The following GABRG2 variants were observed in gnomAD, a reference collection of about 807,000 sequenced individuals.
The protein encoded by GABRG2 is gamma-aminobutyric acid type A receptor subunit gamma2.
In GABRG2, 16 loss-of-function variants were observed where a neutral mutation model predicts 56.4. The observed-to-expected ratio is 0.28, with a 90% CI of 0.19 to 0.43. GABRG2 has a LOEUF of 0.43. Among genes scored for constraint, GABRG2 ranks in the 20% least tolerant of loss-of-function variants. GABRG2 has a pLI of 1.00. For missense variants in GABRG2, 327 were observed against 582.7 expected (o/e 0.56, Z 4.52); for synonymous variants, 208 against 205.5 (o/e 1.01, Z -0.10).
chr5:162,095,979 C>T (rs1313310304), intron 3 of GABRG2, among the ~76,000 whole-genome samples: 1 of 151,618 alleles, frequency 6.6e-6, no homozygotes, highest in African/African-American at 2.4e-5. Flanking sequence ...CACTTTCTAC[C>T]CAAATGTGAA....
At chr5:162,121,555 T>G (rs1411466836) in intron 6 of GABRG2, among the ~76,000 whole-genome samples, 1 of 152,078 alleles carries the variant, frequency 6.6e-6, no homozygotes. Flanking sequence ...CATTAATAAC[T>G]TATAAAAGAC....
intron 7 of GABRG2, among the ~76,000 whole-genome samples, chr5:162,145,200 C>G (rs886515611): frequency 1.3e-5 from 2 of 152,168 alleles, no homozygotes; most frequent in Non-Finnish European, 2.9e-5. Flanking sequence ...TTTCTGAGCA[C>G]AGAGTCCTAG....
At chr5:162,080,394 G>A (rs978826576) in intron 1 of GABRG2, among the ~76,000 whole-genome samples, 12 of 151,974 alleles carry the variant, frequency 7.9e-5, no homozygotes, top group African/African-American at 2.9e-4. Flanking sequence ...AATGTTGAAG[G>A]GAAGACCATT....
At chr5:162,096,580 A>G (rs1429409407) in intron 3 of GABRG2, among the ~76,000 whole-genome samples, 1 of 152,092 alleles carries the variant, frequency 6.6e-6, no homozygotes, top group Non-Finnish European at 1.5e-5. Context: ...TGTAGACTGT[A>G]AAAATGAAAC....
At chr5:162,135,222 T>TC (rs1491397711) in intron 6 of GABRG2, among the ~76,000 whole-genome samples, 2 of 149,048 alleles carry the variant, frequency 1.3e-5, no homozygotes, top group African/African-American at 4.9e-5. Context: ...CCCTTCTCTC[T>TC]TTTTTTTTTC....
intron 3 of GABRG2, among the ~76,000 whole-genome samples, chr5:162,095,964 T>C (rs1350237027): frequency 1.3e-5 from 2 of 152,056 alleles, no homozygotes; most frequent in Non-Finnish European, 2.9e-5. Flanking sequence ...TCTGTTCTTA[T>C]GTAACACTTT....
At chr5:162,112,883 G>A (rs1019226619) in intron 6 of GABRG2, among the ~76,000 whole-genome samples, 1 of 151,994 alleles carries the variant, frequency 6.6e-6, no homozygotes, top group Non-Finnish European at 1.5e-5. Context: ...CAAGGAAAAA[G>A]GATTGACCAA....
chr5:162,139,581 C>T (rs1764400611), intron 6 of GABRG2, among the ~76,000 whole-genome samples: 1 of 152,016 alleles, frequency 6.6e-6, no homozygotes, highest in Non-Finnish European at 1.5e-5. Flanking sequence ...TAGACTCTGA[C>T]CTAAAGGGAA....
chr5:162,152,896 C>G (rs1490395861), intron 9 of GABRG2, 197 bp from the exon 10 acceptor site: 3 of 667,390 alleles, frequency 4.5e-6, no homozygotes, highest in African/African-American at 1.8e-5. Flanking sequence ...AGCTGCACTG[C>G]TTAAGCTCAA....
intron 1 of GABRG2, among the ~76,000 whole-genome samples, chr5:162,076,033 T>A (rs1759078165): frequency 6.6e-6 from 1 of 151,580 alleles, no homozygotes; most frequent in Non-Finnish European, 1.5e-5. Flanking sequence ...ACGCCTGTGG[T>A]CCTAGCTTCT....
intron 8 of GABRG2, chr5:162,149,877 G>C (rs1409038687): frequency 1.3e-5 from 4 of 308,268 alleles, no homozygotes; most frequent in African/African-American, 8.7e-5. Flanking sequence ...GCCTCCCAAA[G>C]TGCTGGGATT....
rs867980198 is a variant in GABRG2, at chr5:162,116,122, G to C, written c.769+12096G>C. ...GGGGTGTGCGTGCATGTGTGTGTGT[G>C]TGTGTGTGTGTGTGTGTGTGTGTGT... On this transcript the variant is annotated intron_variant, in intron 6 of 9. Coordinates refer to ENST00000639213, the MANE Select transcript of GABRG2 (RefSeq NM_198904.4). 4.0e-4 allele frequency among the ~76,000 whole-genome samples: 61 copies of C among 150,764 alleles called. 2 individuals are homozygous for C. Among genetic ancestry groups the C allele is most frequent in the Non-Finnish European group, 2.1e-4 (14 of 67,694 alleles).
chr5:162,092,669 T>C (rs1760691852), intron 1 of GABRG2, among the ~76,000 whole-genome samples: 1 of 152,156 alleles, frequency 6.6e-6, no homozygotes, highest in Non-Finnish European at 1.5e-5. Context: ...GTGATAAATC[T>C]GGCTTGAGAA....
At chr5:162,144,750 G>T (rs1412805119) in intron 7 of GABRG2, among the ~76,000 whole-genome samples, 1 of 152,178 alleles carries the variant, frequency 6.6e-6, no homozygotes, top group Non-Finnish European at 1.5e-5. Flanking sequence ...GGAGGCCTTG[G>T]TGAAGACCAA....
At chr5:162,117,140 G>A (rs894452786) in intron 6 of GABRG2, among the ~76,000 whole-genome samples, 14 of 152,146 alleles carry the variant, frequency 9.2e-5, no homozygotes, top group African/African-American at 2.9e-4. Context: ...AGAAGAGCAG[G>A]TGAGAACACA....
chr5:162,089,044 T>G (rs1226058955), intron 1 of GABRG2, among the ~76,000 whole-genome samples: 3 of 152,016 alleles, frequency 2.0e-5, no homozygotes, highest in African/African-American at 4.8e-5. Flanking sequence ...TATGAAACAA[T>G]CTCTTGGTAG....
intron 6 of GABRG2, among the ~76,000 whole-genome samples, chr5:162,118,167 A>G (rs1762749333): frequency 6.6e-6 from 1 of 151,594 alleles, no homozygotes; most frequent in African/African-American, 2.4e-5. Flanking sequence ...TCAAGGAAAA[A>G]AAAACCCAAA....
rs561851806 is a variant in GABRG2, at chr5:162,068,154, G to T, written c.107+48G>T. 160 of 1,332,552 alleles carry T rather than the reference G, an allele frequency of 1.2e-4. 2 individuals are homozygous for T. In the Middle Eastern group the frequency reaches 0.011, roughly 92 times the overall value. The allele number at this position is 1,332,552 out of a possible 1,614,324, so 82.5% of individuals were successfully genotyped here. ...TCGTTTTGTTCTGAAGAGGTGGGGG[G>T]AAGGTGTGGGGAGGGGTAACTCGGG... On this transcript the variant is annotated intron_variant, in intron 1 of 9. Transcript: ENST00000639213.
chr5:162,069,738 A>G (rs936731817), intron 1 of GABRG2, among the ~76,000 whole-genome samples: 1 of 152,204 alleles, frequency 6.6e-6, no homozygotes, highest in African/African-American at 2.4e-5. Context: ...AAACAGTCTT[A>G]TATGTAATAC....
Sources: allele counts gnomAD v4.1 joint callset (sites outside exome capture counted in the v4.1 genomes callset), GRCh38; gene constraint gnomAD v4.1.1; transcripts MANE v1.5; gene names NCBI Gene and HGNC (gene_info 2026-07-23, HGNC 2026-07-21).